STXBP4: variants seen among roughly 807,000 people sequenced by gnomAD.
The protein encoded by STXBP4 is syntaxin binding protein 4, also known as syntaxin-binding protein 4.
STXBP4 carries 55 observed loss-of-function variants against 76.1 expected under a neutral mutation model. The observed-to-expected ratio is 0.72, with a 90% CI of 0.58 to 0.91. STXBP4 has a LOEUF of 0.91. Ranked by LOEUF, STXBP4 falls within the 40% of genes least tolerant of loss-of-function variation. The pLI is 0.00. For missense variants in STXBP4, 618 were observed against 636.9 expected, an observed-to-expected ratio of 0.97 and a Z score of 0.32; for synonymous variants, 201 against 220.2, an observed-to-expected ratio of 0.91 and a Z score of 0.77.
intron 16 of STXBP4, among the ~76,000 whole-genome samples, chr17:55,088,346 G>C (rs770304779): frequency 6.6e-6 from 1 of 152,026 alleles, no homozygotes; most frequent in Non-Finnish European, 1.5e-5. Context: ...TTATACTATG[G>C]GATTTTCTCA....
chr17:55,158,063 A>G (rs528453752), intron 17 of STXBP4, among the ~76,000 whole-genome samples: 1 of 152,282 alleles, frequency 6.6e-6, no homozygotes, highest in South Asian at 2.1e-4. Flanking sequence ...CATAACATTG[A>G]TTAATTGATT....
intron 16 of STXBP4, among the ~76,000 whole-genome samples, chr17:55,095,582 T>C (rs2079474732): frequency 6.6e-6 from 1 of 152,198 alleles, no homozygotes. Context: ...GATCCAGAAG[T>C]TCAGTTCCTG....
At chr17:55,007,434 A>G (rs747230935) in intron 7 of STXBP4, 72 bp from the exon 8 acceptor site, 6 of 1,055,354 alleles carry the variant, frequency 5.7e-6, no homozygotes, top group Non-Finnish European at 8.9e-6. Flanking sequence ...AGGAACTCAG[A>G]ACATATCCTG....
intron 12 of STXBP4, among the ~76,000 whole-genome samples, chr17:55,052,351 T>C (rs1156435275): frequency 6.6e-6 from 1 of 152,160 alleles, no homozygotes; most frequent in Non-Finnish European, 1.5e-5. Flanking sequence ...CAAAATAATT[T>C]AGTACAGTAA....
chr17:55,068,526 A>T (rs560954970), intron 12 of STXBP4, among the ~76,000 whole-genome samples: 1 of 152,172 alleles, frequency 6.6e-6, no homozygotes, highest in African/African-American at 2.4e-5. Flanking sequence ...TAAAAAATAC[A>T]TGTGCAAATT....
At position 55,120,625 on chromosome 17, in the gene STXBP4, A is replaced by G. The variant is rs545594600; in HGVS notation, c.1490-20685A>G. Among the ~76,000 whole-genome samples, 9 of 152,340 alleles carry G rather than the reference A, an allele frequency of 5.9e-5. No individual in the cohort carries two copies. The East Asian group carries it at 9.6e-4, about 16-fold the overall frequency. The stretch of plus-strand genomic sequence containing the variant: ...ACAAACAGAGCCTGGAGAAATCACA[A>G]AATACTTGTAGACATACTGGGTAAA... On this transcript the variant is annotated intron_variant, in intron 16 of 17. Transcript: ENST00000376352.
rs187518058 is a variant in STXBP4 at position 55,100,414 on chromosome 17, G to A, written c.1489+19231G>A. ...TACTTATAGCCTCAATAAGGAAAAA[G>A]CGTGAAAGTACTCAAGTAAATCAAG... On this transcript the variant is annotated intron_variant, in intron 16 of 17. Coordinates refer to ENST00000376352, the MANE Select transcript of STXBP4 (RefSeq NM_178509.6). Among the ~76,000 whole-genome samples the A allele has an allele frequency of 9.8e-5, 15 of 152,312 alleles. No homozygotes were observed. In the East Asian group the frequency reaches 2.3e-3, roughly 23 times the overall value.
intron 16 of STXBP4, among the ~76,000 whole-genome samples, chr17:55,098,099 C>A (rs1418464954): frequency 6.6e-6 from 1 of 152,156 alleles, no homozygotes; most frequent in Non-Finnish European, 1.5e-5. Flanking sequence ...TTCCGCACCT[C>A]CTTTTTTTTG....
chr17:55,102,861 A>T (rs186312066), intron 16 of STXBP4, among the ~76,000 whole-genome samples: 58 of 151,996 alleles, frequency 3.8e-4, no homozygotes, highest in African/African-American at 1.4e-3. Context: ...TTTGATTTGC[A>T]TTTCTCTAAT....
chr17:55,118,942 T>TTG (rs544402218), intron 16 of STXBP4, among the ~76,000 whole-genome samples: 2 of 147,296 alleles, frequency 1.4e-5, no homozygotes, highest in African/African-American at 4.9e-5. Context: ...ATTAACTGAT[T>TTG]TATATATATA....
At chr17:55,048,589 C>T (rs575039761) in intron 12 of STXBP4, among the ~76,000 whole-genome samples, 1 of 151,142 alleles carries the variant, frequency 6.6e-6, no homozygotes, top group East Asian at 1.9e-4. Flanking sequence ...AAATGAGAAA[C>T]TTAAAAAATA....
chr17:55,074,332 C>A (rs938831607), intron 13 of STXBP4, among the ~76,000 whole-genome samples: 1 of 152,114 alleles, frequency 6.6e-6, no homozygotes, highest in African/African-American at 2.4e-5. Context: ...TCCCATCACC[C>A]TTTGATAATA....
intron 12 of STXBP4, among the ~76,000 whole-genome samples, chr17:55,058,325 A>T (rs1269650597): frequency 3.3e-5 from 5 of 151,990 alleles, no homozygotes; most frequent in African/African-American, 1.2e-4. Flanking sequence ...CTTTTTTCAT[A>T]TGTTTCTTGG....
rs114416943 is a variant in STXBP4, at chr17:55,066,017, A to G, written c.1012-6883A>G. Among the ~76,000 whole-genome samples, 1,000 of 152,302 alleles carry G rather than the reference A, an allele frequency of 6.6e-3. 12 individuals carry two copies. The highest frequency in any genetic ancestry group is 0.023 in the African/African-American group (940 of 41,564). ...TGGATTTTACTTTATCATACAAACTAAAGAAAATCTTTGTTTCTTGAAGTT... is the reference window on the plus strand; with the variant it reads ...TGGATTTTACTTTATCATACAAACTGAAGAAAATCTTTGTTTCTTGAAGTT... On this transcript the variant is annotated intron_variant, in intron 12 of 17. Coordinates refer to ENST00000376352, the MANE Select transcript of STXBP4 (RefSeq NM_178509.6).
At chr17:55,054,456 A>G (rs1393718414) in intron 12 of STXBP4, among the ~76,000 whole-genome samples, 1 of 152,208 alleles carries the variant, frequency 6.6e-6, no homozygotes, top group Admixed American at 6.5e-5. Context: ...ACTGCACTCC[A>G]GCCTGGGTAA....
chr17:55,146,422 C>T (rs543509651), intron 17 of STXBP4, among the ~76,000 whole-genome samples: 1 of 152,216 alleles, frequency 6.6e-6, no homozygotes, highest in South Asian at 2.1e-4. Flanking sequence ...TCAAGAGTGG[C>T]TTAGTGAGGC....
At chr17:55,185,164 T>C in the STXBP4 span, among the ~76,000 whole-genome samples, 1 of 151,844 alleles carries the variant, frequency 6.6e-6, no homozygotes, top group Non-Finnish European at 1.5e-5. Context: ...AACCACCACC[T>C]GGCCACTATT....
intron 16 of STXBP4, among the ~76,000 whole-genome samples, chr17:55,131,421 A>G (rs1377860762): frequency 6.6e-6 from 1 of 152,222 alleles, no homozygotes; most frequent in Non-Finnish European, 1.5e-5. Flanking sequence ...CTTGAGACAC[A>G]CTAATTTCTC....
chr17:55,153,407 T>C (rs948520652), intron 17 of STXBP4, among the ~76,000 whole-genome samples: 5 of 152,340 alleles, frequency 3.3e-5, no homozygotes, highest in Admixed American at 2.0e-4. Flanking sequence ...ACATTAGAGA[T>C]GGTCTCATAA....
Sources: allele counts gnomAD v4.1 joint callset (sites outside exome capture counted in the v4.1 genomes callset), GRCh38; gene constraint gnomAD v4.1.1; transcripts MANE v1.5; gene names NCBI Gene and HGNC (gene_info 2026-07-23, HGNC 2026-07-21).